CASQ2: variants seen among roughly 807,000 people sequenced by gnomAD.
CASQ2 encodes calsequestrin-2.
Under a neutral mutation model 46.5 loss-of-function variants are expected in CASQ2, and 49 were observed. The ratio of observed to expected loss-of-function variants is 1.05; its 90% confidence interval spans 0.84 to 1.34. The LOEUF is 1.34. Among genes scored for constraint, CASQ2 ranks in the 40% most tolerant of loss-of-function variants. The pLI, the probability that CASQ2 is intolerant of heterozygous loss-of-function variation, is 0.00. For synonymous variants in CASQ2, 174 were observed against 168.5 expected (o/e 1.03, Z -0.25); for missense variants, 486 against 481.3 (o/e 1.01, Z -0.09).
chr1:115,708,346 C>A (rs1045118072), intron 8 of CASQ2, among the ~76,000 whole-genome samples: 1 of 152,138 alleles, frequency 6.6e-6, no homozygotes, highest in African/African-American at 2.4e-5. Context: ...GATCCAAGGG[C>A]AGGTTTCTGA....
intron 5 of CASQ2, among the ~76,000 whole-genome samples, chr1:115,729,180 G>C (rs779036109): frequency 1.2e-4 from 18 of 151,262 alleles, no homozygotes; most frequent in Non-Finnish European, 2.6e-4. Flanking sequence ...CTCCCGAGTA[G>C]CTGGGATTAT....
At chr1:115,739,027 C>G (rs1343140680) in intron 3 of CASQ2, among the ~76,000 whole-genome samples, 1 of 148,880 alleles carries the variant, frequency 6.7e-6, no homozygotes, top group Non-Finnish European at 1.5e-5. Context: ...TTCTCCAATT[C>G]CATCTGTATA....
In CASQ2 at chr1:115,725,537, G is replaced by A; in HGVS notation, c.754C>T (p.Leu252=). The A allele has an allele frequency of 6.2e-7, 1 of 1,602,548 alleles. No homozygotes were observed. The highest frequency in any genetic ancestry group is 8.5e-7 in the Non-Finnish European group (1 of 1,175,662). The change falls in exon 7 of 11, where the codon CTG becomes TTG. Residue 252 remains leucine (L), a synonymous_variant. Coordinates refer to ENST00000261448, the MANE Select transcript of CASQ2 (RefSeq NM_001232.4). The stretch of plus-strand genomic sequence containing the variant: ...GTTTCAAACATTTCTTCTGGGCGCA[G>A]GCGACGTAGAGTGGGTCTGGAAAAA... ...KEHQRPTLRR[L]RPEEMFETWE...
At position 115,738,243 on chromosome 1, in the gene CASQ2, G is replaced by A. The variant is rs1570831385; in HGVS notation, c.513C>T (p.Phe171=). The A allele has an allele frequency of 1.9e-6, 3 of 1,610,112 alleles. No homozygotes were observed. Among genetic ancestry groups the A allele is most frequent in the African/African-American group, 1.3e-5 (1 of 74,968 alleles). The change falls in exon 4 of 11, where the codon TTC becomes TTT. Residue 171 remains phenylalanine, a synonymous_variant. Coordinates refer to ENST00000261448, the MANE Select transcript of CASQ2 (RefSeq NM_001232.4). ...ACTTACATTCTGAGTCCTCACTCTT[G>A]AAAAAGCCAATGAGTTTGATGTAGT... is the stretch of plus-strand genomic sequence containing the variant. The part of the protein sequence containing the change: ...IEDYIKLIGF[F]KSEDSEYYKA...
Position 115,723,305 on chromosome 1 carries a change from T to TTATCTATCTATCTATCTATCTATCTATC in CASQ2, c.783+2175_783+2202dup, listed in dbSNP as rs58680506. On this transcript the variant is annotated intron_variant, in intron 7 of 10. Transcript: ENST00000261448. ...TCTATATCTCTCTATATCTATCTAT[T>TTATCTATCTATCTATCTATCTATCTATC]TATCTATCTATCTATCTATCTATCT... Among the ~76,000 whole-genome samples the TTATCTATCTATCTATCTATCTATCTATC allele has an allele frequency of 1.1e-3, 159 of 148,866 alleles. 1 individual carries two copies. Among genetic ancestry groups the TTATCTATCTATCTATCTATCTATCTATC allele is most frequent in the Middle Eastern group, 3.4e-3 (1 of 290 alleles).
intron 4 of CASQ2, among the ~76,000 whole-genome samples, chr1:115,734,787 G>A (rs1310666295): frequency 1.3e-5 from 2 of 152,112 alleles, no homozygotes; most frequent in African/African-American, 4.8e-5. Context: ...CTGGATATTA[G>A]TATCACAGAC....
chr1:115,701,131 G>GGGAAAAGAGATGATGGAAAAA lies in CASQ2; in HGVS notation c.*109_*110insTTTTTCCATCATCTCTTTTCC. ...GAGTGGGAAAAGAGATGATGGAAAA[G>GGGAAAAGAGATGATGGAAAAA]GGAAAGGAGCTGGCTGGGTGTGGGG... On this transcript the variant is annotated 3_prime_UTR_variant, in exon 11 of 11. Transcript: ENST00000261448. 1.3e-6 allele frequency: 2 copies of GGGAAAAGAGATGATGGAAAAA among 1,542,330 alleles called. No homozygotes were observed. The highest frequency in any genetic ancestry group is 1.8e-6 in the Non-Finnish European group (2 of 1,116,958).
intron 1 of CASQ2, among the ~76,000 whole-genome samples, chr1:115,758,970 G>A (rs1030943340): frequency 2.6e-5 from 4 of 152,192 alleles, no homozygotes; most frequent in African/African-American, 9.6e-5. Flanking sequence ...CAATATGTCA[G>A]CCAAGTACTA....
chr1:115,705,213 G>T lies in CASQ2; in HGVS notation c.918C>A (p.Ile306=). The T allele has an allele frequency of 6.2e-7, 1 of 1,613,118 alleles. No individual in the cohort carries two copies. The highest frequency in any genetic ancestry group is 1.1e-5 in the South Asian group (1 of 91,058). The change falls in exon 9 of 11, where the codon ATC becomes ATA. Residue 306 remains isoleucine (I), a synonymous_variant. Coordinates refer to ENST00000261448, the MANE Select transcript of CASQ2 (RefSeq NM_001232.4). ...TDNPDLSILW[I]DPDDFPLLVA... ...TCACCAGAGGAAAGTCGTCCGGGTC[G>T]ATCCACAGGATGCTCAGATCGGGGT...
chr1:115,739,124 C>CTTTTTTTTTTTTTTTTTTTTTTTTTT (rs1299140156), intron 3 of CASQ2, among the ~76,000 whole-genome samples: 6 of 99,518 alleles, frequency 6.0e-5, no homozygotes, highest in Non-Finnish European at 8.8e-5. Flanking sequence ...TCTTTTCTTT[C>CTTTTTTTTTTTTTTTTTTTTTTTTTT]TTTTTGAGAT....
chr1:115,714,686 C>G (rs1223638539), intron 8 of CASQ2, among the ~76,000 whole-genome samples: 1 of 152,224 alleles, frequency 6.6e-6, no homozygotes, highest in Non-Finnish European at 1.5e-5. Context: ...CATCAGTGCT[C>G]TGCAGGTAAA....
At chr1:115,754,141 T>G (rs931933429) in intron 1 of CASQ2, among the ~76,000 whole-genome samples, 2 of 152,196 alleles carry the variant, frequency 1.3e-5, no homozygotes, top group African/African-American at 4.8e-5. Context: ...TGTCACTTTC[T>G]GCCGCCCTCA....
intron 7 of CASQ2, among the ~76,000 whole-genome samples, chr1:115,719,109 T>A (rs1319047844): frequency 6.6e-6 from 1 of 152,222 alleles, no homozygotes; most frequent in African/African-American, 2.4e-5. Flanking sequence ...ATTTTTTTCC[T>A]TTGAGTTTGG....
intron 7 of CASQ2, among the ~76,000 whole-genome samples, chr1:115,723,207 G>A (rs930292410): frequency 1.3e-5 from 2 of 152,102 alleles, no homozygotes; most frequent in African/African-American, 4.8e-5. Flanking sequence ...GGTAGTAGAC[G>A]TATTATATCA....
At chr1:115,702,400 T>C (rs1654233704) in intron 10 of CASQ2, among the ~76,000 whole-genome samples, 1 of 152,204 alleles carries the variant, frequency 6.6e-6, no homozygotes. Context: ...TCTGCCAGTG[T>C]ACCTCACTAG....
At chr1:115,752,280 G>A (rs938214677) in intron 1 of CASQ2, among the ~76,000 whole-genome samples, 1 of 152,146 alleles carries the variant, frequency 6.6e-6, no homozygotes, top group Non-Finnish European at 1.5e-5. Flanking sequence ...ACAGTTGCAA[G>A]TGCACATTAA....
At chr1:115,724,970 G>A (rs111565939) in intron 7 of CASQ2, among the ~76,000 whole-genome samples, 5 of 152,232 alleles carry the variant, frequency 3.3e-5, no homozygotes, top group African/African-American at 1.2e-4. Flanking sequence ...AATTAACTAA[G>A]AGCAATTTTG....
At chr1:115,707,557 C>T (rs4596883) in intron 8 of CASQ2, among the ~76,000 whole-genome samples, 60,036 of 151,896 alleles carry the variant, frequency 0.4, 13,014 homozygotes, top group African/African-American at 0.57. Flanking sequence ...AGGTCCTGCC[C>T]CTCCAGTGTA....
chr1:115,731,980 C>T (rs903308707), intron 5 of CASQ2: 1 of 152,172 alleles, frequency 6.6e-6, no homozygotes, highest in Non-Finnish European at 1.5e-5. Context: ...ATGGTATGAT[C>T]ACAGCTCACT....
Sources: gnomAD v4.1 joint callset for allele counts (sites outside exome capture counted in the v4.1 genomes callset) on GRCh38, gnomAD v4.1.1 for gene constraint, MANE v1.5 for transcripts, NCBI Gene and HGNC (gene_info 2026-07-23, HGNC 2026-07-21) for gene names.